SLC35F3: variants seen among roughly 807,000 people sequenced by gnomAD.
SLC35F3 encodes the protein putative thiamine transporter SLC35F3.
SLC35F3 carries 25 observed loss-of-function variants against 49.9 expected under a neutral mutation model. That is an observed-to-expected ratio of 0.50 (90% confidence interval 0.37 to 0.70). The LOEUF is 0.70. SLC35F3 is among the 30% of genes least tolerant of loss of function. SLC35F3 has a pLI of 0.00. For missense variants in SLC35F3, 525 were observed against 639.8 expected (o/e 0.82, Z 1.94); for synonymous variants, 275 against 265.4 (o/e 1.04, Z -0.35).
chr1:233,921,170 A>G (rs1662051824), intron 2 of SLC35F3, among the ~76,000 whole-genome samples: 1 of 152,276 alleles, frequency 6.6e-6, no homozygotes. Context: ...TTTCAAAGGA[A>G]ATGAATAAAT....
chr1:233,995,263 T>C (rs1189525718), intron 2 of SLC35F3, among the ~76,000 whole-genome samples: 1 of 152,168 alleles, frequency 6.6e-6, no homozygotes, highest in African/African-American at 2.4e-5. Flanking sequence ...GAGGCAGATA[T>C]ATAGGTCTGG....
chr1:233,984,830 A>T (rs1354531654), intron 2 of SLC35F3, among the ~76,000 whole-genome samples: 1 of 152,164 alleles, frequency 6.6e-6, no homozygotes, highest in East Asian at 1.9e-4. Context: ...ACATATGTTA[A>T]GATGTTATCT....
Position 234,044,022 on chromosome 1 carries a change from A to G in SLC35F3, c.283+138264A>G, listed in dbSNP as rs1255320301. ...AGTGTTGACAGGTAGAACCTTTACCAGGTAGGGCCTAATGGGAAGCTTTTA... is the reference window on the plus strand; with the variant it reads ...AGTGTTGACAGGTAGAACCTTTACCGGGTAGGGCCTAATGGGAAGCTTTTA... On this transcript the variant is annotated intron_variant, in intron 2 of 7. Transcript: ENST00000366618. 4.6e-5 allele frequency among the ~76,000 whole-genome samples: 7 copies of G among 152,196 alleles called. No homozygotes were observed. In the South Asian group the frequency reaches 6.2e-4, roughly 13 times the overall value.
chr1:233,969,912 C>T (rs932976454), intron 2 of SLC35F3, among the ~76,000 whole-genome samples: 14 of 152,060 alleles, frequency 9.2e-5, no homozygotes, highest in East Asian at 1.9e-4. Context: ...GGCTGGGGAA[C>T]GGGGAAGGAT....
chr1:234,311,279 G>C (rs565497175), intron 4 of SLC35F3, among the ~76,000 whole-genome samples: 1 of 152,284 alleles, frequency 6.6e-6, no homozygotes, highest in South Asian at 2.1e-4. Context: ...TGTGCCAAAG[G>C]GACTGAGAGA....
chr1:234,179,755 A>T (rs2102922912), intron 2 of SLC35F3, among the ~76,000 whole-genome samples: 1 of 152,310 alleles, frequency 6.6e-6, no homozygotes, highest in East Asian at 1.9e-4. Context: ...TAACCATGCA[A>T]TTCAGGTTCA....
intron 2 of SLC35F3, among the ~76,000 whole-genome samples, chr1:234,160,385 G>T (rs1305780477): frequency 1.3e-5 from 2 of 152,146 alleles, no homozygotes; most frequent in Non-Finnish European, 2.9e-5. Flanking sequence ...GGCTGTTCCA[G>T]TCTTTTGCTA....
At chr1:234,047,501 C>T (rs1664308515) in intron 2 of SLC35F3, among the ~76,000 whole-genome samples, 1 of 152,190 alleles carries the variant, frequency 6.6e-6, no homozygotes, top group South Asian at 2.1e-4. Flanking sequence ...AGCTTTCTTC[C>T]TGCCTTCAGA....
intron 2 of SLC35F3, among the ~76,000 whole-genome samples, chr1:234,150,099 CT>C (rs1666055306): frequency 6.6e-6 from 1 of 152,212 alleles, no homozygotes; most frequent in African/African-American, 2.4e-5. Flanking sequence ...AGAATTTTTG[CT>C]CATCCAATCC....
At chr1:233,977,978 A>C (rs1041965650) in intron 2 of SLC35F3, among the ~76,000 whole-genome samples, 2 of 152,214 alleles carry the variant, frequency 1.3e-5, no homozygotes, top group African/African-American at 4.8e-5. Flanking sequence ...TTCAGAGACG[A>C]CAAGGGATAG....
At chr1:234,120,843 C>A (rs562905296) in intron 2 of SLC35F3, among the ~76,000 whole-genome samples, 3 of 152,150 alleles carry the variant, frequency 2.0e-5, no homozygotes, top group Non-Finnish European at 4.4e-5. Context: ...TATTTACAAT[C>A]GAGGGATCTT....
chr1:234,245,699 A>G (rs937572885), intron 3 of SLC35F3, among the ~76,000 whole-genome samples: 11 of 152,170 alleles, frequency 7.2e-5, no homozygotes, highest in Admixed American at 7.2e-4. Context: ...TCTTCCTCCA[A>G]TGTCTGGAAG....
intron 2 of SLC35F3, among the ~76,000 whole-genome samples, chr1:234,107,098 G>A (rs1391112940): frequency 6.6e-6 from 1 of 152,132 alleles, no homozygotes; most frequent in Non-Finnish European, 1.5e-5. Context: ...CTACTGAGCC[G>A]AGCTGAGCAC....
chr1:234,161,634 A>G (rs1371034626), intron 2 of SLC35F3, among the ~76,000 whole-genome samples: 2 of 152,004 alleles, frequency 1.3e-5, no homozygotes, highest in Non-Finnish European at 2.9e-5. Flanking sequence ...GAAAATGTAA[A>G]ACAAAAAATA....
At chr1:234,306,062 T>C (rs916963597) in intron 3 of SLC35F3, among the ~76,000 whole-genome samples, 2 of 152,232 alleles carry the variant, frequency 1.3e-5, no homozygotes, top group Admixed American at 6.5e-5. Flanking sequence ...GGGAGGTCTC[T>C]GGCAGAAATG....
intron 2 of SLC35F3, among the ~76,000 whole-genome samples, chr1:234,155,401 T>G (rs112441155): frequency 0.18 from 26,533 of 144,506 alleles, 4,047 homozygotes; most frequent in East Asian, 0.84. Flanking sequence ...ACCTGATTAT[T>G]ATTATTATTA....
At chr1:234,199,389 AG>A (rs1172083822) in intron 2 of SLC35F3, among the ~76,000 whole-genome samples, 1 of 152,248 alleles carries the variant, frequency 6.6e-6, no homozygotes, top group Non-Finnish European at 1.5e-5. Flanking sequence ...CAATGGGGAA[AG>A]AGCAGTCTCT....
At chr1:234,139,974 T>TAAAA (rs1218915567) in intron 2 of SLC35F3, among the ~76,000 whole-genome samples, 2 of 138,262 alleles carry the variant, frequency 1.4e-5, no homozygotes, top group Non-Finnish European at 3.2e-5. Flanking sequence ...TAAAATAAAA[T>TAAAA]AAAATAAAAT....
chr1:233,972,230 T>C (rs1305348646), intron 2 of SLC35F3, among the ~76,000 whole-genome samples: 1 of 152,244 alleles, frequency 6.6e-6, no homozygotes, highest in African/African-American at 2.4e-5. Context: ...CCTACCTCAG[T>C]GTCCCCAGGA....
Sources: gnomAD v4.1 joint callset for allele counts (sites outside exome capture counted in the v4.1 genomes callset) on GRCh38, gnomAD v4.1.1 for gene constraint, MANE v1.5 for transcripts, NCBI Gene and HGNC (gene_info 2026-07-23, HGNC 2026-07-21) for gene names.